Variants in FHAD1 observed in about 807,000 individuals in gnomAD.
FHAD1 encodes the protein forkhead associated phosphopeptide binding domain 1, also known as forkhead-associated domain-containing protein 1.
A neutral mutation model predicts 191.3 loss-of-function variants in FHAD1; 146 were observed. That is an observed-to-expected ratio of 0.76 (90% CI 0.67 to 0.88). FHAD1 has a LOEUF of 0.88. FHAD1 is among the 40% of genes least tolerant of loss of function. FHAD1 has a pLI of 0.00. For synonymous variants in FHAD1, 616 were observed against 672.3 expected, an observed-to-expected ratio of 0.92 and a Z score of 1.29; for missense variants, 1,635 against 1,785.8, an observed-to-expected ratio of 0.92 and a Z score of 1.52.
At chr1:15,354,752 C>T (rs1039062160) in intron 20 of FHAD1, among the ~76,000 whole-genome samples, 2 of 152,060 alleles carry the variant, frequency 1.3e-5, no homozygotes, top group African/African-American at 4.8e-5. Flanking sequence ...AAGGGAAGGC[C>T]CAGCTGGTTG....
chr1:15,293,954 G>C (rs1270498887), intron 4 of FHAD1, among the ~76,000 whole-genome samples: 1 of 152,124 alleles, frequency 6.6e-6, no homozygotes, highest in Non-Finnish European at 1.5e-5. Context: ...GAGGCCCTCA[G>C]ATCTGCCTGG....
intron 25 of FHAD1, among the ~76,000 whole-genome samples, chr1:15,368,934 A>G (rs1697319645): frequency 6.6e-6 from 1 of 150,988 alleles, no homozygotes; most frequent in Admixed American, 6.6e-5. Context: ...CAAGAACAAA[A>G]CTCCATCTAA....
intron 33 of FHAD1, among the ~76,000 whole-genome samples, chr1:15,396,765 A>G (rs959129576): frequency 6.6e-6 from 1 of 151,564 alleles, no homozygotes; most frequent in Non-Finnish European, 1.5e-5. Context: ...AGCAGAGATC[A>G]TGCCACTGCA....
chr1:15,397,073 C>T (rs1706249299), intron 33 of FHAD1, among the ~76,000 whole-genome samples: 1 of 150,492 alleles, frequency 6.6e-6, no homozygotes, highest in South Asian at 2.1e-4. Flanking sequence ...CGCCTGTAGT[C>T]CCAGCTACTC....
intron 14 of FHAD1, among the ~76,000 whole-genome samples, chr1:15,338,715 G>T (rs560864111): frequency 6.6e-6 from 1 of 152,044 alleles, no homozygotes; most frequent in Non-Finnish European, 1.5e-5. Flanking sequence ...CAACCAAGTG[G>T]TCTTACTCGC....
At chr1:15,356,165 G>A (rs1692738770) in intron 20 of FHAD1, among the ~76,000 whole-genome samples, 1 of 152,228 alleles carries the variant, frequency 6.6e-6, no homozygotes, top group South Asian at 2.1e-4. Context: ...ACTATACGAT[G>A]TGTCAACCTT....
intron 26 of FHAD1, among the ~76,000 whole-genome samples, chr1:15,371,113 GGT>G (rs1370918152): frequency 6.6e-6 from 1 of 152,154 alleles, no homozygotes; most frequent in Non-Finnish European, 1.5e-5. Flanking sequence ...TGGGGCAGGG[GGT>G]GTGTGGCACT....
At chr1:15,296,140 C>T (rs1016309471) in intron 4 of FHAD1, among the ~76,000 whole-genome samples, 4 of 152,144 alleles carry the variant, frequency 2.6e-5, no homozygotes, top group Non-Finnish European at 4.4e-5. Context: ...AGACACATCA[C>T]GTTGGGTAAC....
At chr1:15,372,657 C>T (rs1570387785) in intron 26 of FHAD1, among the ~76,000 whole-genome samples, 1 of 152,172 alleles carries the variant, frequency 6.6e-6, no homozygotes, top group East Asian at 1.9e-4. Context: ...CTTCATACTA[C>T]ATATATATTA....
intron 2 of FHAD1, 128 bp downstream of exon 2, chr1:15,252,005 C>A (rs1646839713): frequency 1.3e-6 from 1 of 767,474 alleles, no homozygotes; most frequent in African/African-American, 1.8e-5. Flanking sequence ...CCATACCTTT[C>A]CTTGGTGTGC....
chr1:15,346,096 T>C (rs900983786), intron 18 of FHAD1, among the ~76,000 whole-genome samples: 9 of 152,062 alleles, frequency 5.9e-5, no homozygotes, highest in African/African-American at 2.2e-4. Context: ...GACTCAGATG[T>C]GTGAAAACAG....
chr1:15,338,535 G>A (rs1008170845), intron 14 of FHAD1, among the ~76,000 whole-genome samples: 8 of 152,110 alleles, frequency 5.3e-5, no homozygotes, highest in African/African-American at 2.4e-5. Flanking sequence ...TAACTTAATC[G>A]TATTTGCCAA....
chr1:15,379,433 G>C (rs1422572616), intron 28 of FHAD1, among the ~76,000 whole-genome samples: 2 of 152,254 alleles, frequency 1.3e-5, no homozygotes, highest in Non-Finnish European at 2.9e-5. Context: ...TCAGTAGATG[G>C]AACGTACAAT....
chr1:15,241,159 A>T (rs1265873793), intron 1 of FHAD1, among the ~76,000 whole-genome samples: 3 of 152,102 alleles, frequency 2.0e-5, no homozygotes, highest in Non-Finnish European at 4.4e-5. Context: ...TGAGCTGCTA[A>T]GTTTGTGGTA....
At chr1:15,358,885 G>A (rs542369429) in intron 21 of FHAD1, among the ~76,000 whole-genome samples, 18 of 152,200 alleles carry the variant, frequency 1.2e-4, no homozygotes, top group Non-Finnish European at 8.8e-5. Context: ...GCGTTGGAGA[G>A]AACAGCTCTG....
chr1:15,258,940 A>G (rs1649678223), intron 2 of FHAD1, among the ~76,000 whole-genome samples: 1 of 152,172 alleles, frequency 6.6e-6, no homozygotes. Flanking sequence ...AGAGAAGCAG[A>G]ACCGCCAGAT....
At chr1:15,295,059 C>G (rs1239755556) in intron 4 of FHAD1, among the ~76,000 whole-genome samples, 1 of 152,124 alleles carries the variant, frequency 6.6e-6, no homozygotes, top group Non-Finnish European at 1.5e-5. Flanking sequence ...ACACTGGTAT[C>G]CTACTTTTTA....
rs1658604157 is a variant in FHAD1 at position 15,276,951 on chromosome 1, T to C, written c.300+4422T>C. Among the ~76,000 whole-genome samples, 1 of 152,170 alleles carries C rather than the reference T, an allele frequency of 6.6e-6. No individual in the cohort carries two copies. The highest frequency in any genetic ancestry group is 1.5e-5 in the Non-Finnish European group (1 of 68,030). The stretch of plus-strand genomic sequence containing the variant: ...GCAACTGTTGAGTAGTAACACTGAC[T>C]CCCTGCCTAAGTGTCAGGCGTGTGA... On this transcript the variant is annotated intron_variant, in intron 3 of 33. Coordinates refer to ENST00000688493, the MANE Select transcript of FHAD1 (RefSeq NM_001391957.1). This position sits in a 1 kb window ranked among gnomAD's most constrained non-coding sequence, Gnocchi z 4.7.
At chr1:15,285,627 G>T (rs1305089246) in intron 3 of FHAD1, among the ~76,000 whole-genome samples, 2 of 152,078 alleles carry the variant, frequency 1.3e-5, no homozygotes, top group African/African-American at 4.8e-5. Context: ...TCATGCACTG[G>T]CCCCTTTAGA....
Sources: gnomAD v4.1 joint callset for allele counts (sites outside exome capture counted in the v4.1 genomes callset) on GRCh38, gnomAD v4.1.1 for gene constraint, Gnocchi (gnomAD v3.1) non-coding constraint, MANE v1.5 for transcripts, NCBI Gene and HGNC (gene_info 2026-07-23, HGNC 2026-07-21) for gene names.